The following PIEZO2 variants were observed in gnomAD, a reference collection of about 807,000 sequenced individuals.
PIEZO2 encodes the protein piezo type mechanosensitive ion channel component 2.
Under a neutral mutation model 337.3 loss-of-function variants are expected in PIEZO2, and 172 were observed. The observed-to-expected ratio is 0.51, with a 90% confidence interval of 0.45 to 0.58. The LOEUF (loss-of-function observed/expected upper bound fraction) is 0.58, where lower values mean the gene tolerates loss of function less well. Among genes scored for constraint, PIEZO2 ranks in the 20% least tolerant of loss-of-function variants. The probability of loss-of-function intolerance (pLI) is 0.00; values close to 1 mark genes in which losing one functional copy is unlikely to be tolerated. For synonymous variants in PIEZO2, 1,251 were observed against 1,228.5 expected (o/e 1.02, Z -0.38); for missense variants, 3,028 against 3,391.3 (o/e 0.89, Z 2.66).
chr18:10,736,591 T>G lies in PIEZO2; in HGVS notation c.4815+13A>C. 2.0e-6 allele frequency: 3 copies of G among 1,536,838 alleles called. No homozygotes were observed. The highest frequency in any genetic ancestry group is 2.6e-6 in the Non-Finnish European group (3 of 1,146,776). On this transcript the variant is annotated intron_variant, in intron 34 of 55. Coordinates refer to ENST00000674853, the MANE Select transcript of PIEZO2 (RefSeq NM_001378183.1). ...CTTCCAACTAGCAAAGAAATGATTT[T>G]CCCCATAATTACCTGGAATGCTGAC...
In PIEZO2 at chr18:11,018,752, C is replaced by A. The variant is rs2036211827; in HGVS notation, c.161-39092G>T. Among the ~76,000 whole-genome samples, 4 of 152,030 alleles carry A rather than the reference C, an allele frequency of 2.6e-5. No homozygotes were observed. In the South Asian group the frequency reaches 8.3e-4, roughly 32 times the overall value. On this transcript the variant is annotated intron_variant, in intron 2 of 55. Transcript: ENST00000674853. The stretch of plus-strand genomic sequence containing the variant: ...AATGATGTCTCCTTCCTTTTGGAAC[C>A]CCATGAAGAGATCTCATTTTATTTT...
chr18:10,948,880 T>C (rs264155), intron 3 of PIEZO2, among the ~76,000 whole-genome samples: 64,523 of 152,074 alleles, frequency 0.42, 14,540 homozygotes, highest in Non-Finnish European at 0.51. Flanking sequence ...TACATACAGA[T>C]GCATACCTTC....
chr18:10,701,845 TA>T (rs56768357), intron 43 of PIEZO2, 143 bp downstream of exon 43: 52 of 316,218 alleles, frequency 1.6e-4, no homozygotes, highest in East Asian at 1.0e-3. Flanking sequence ...TTTTTTTTTT[TA>T]AAAAAAACAT....
chr18:10,788,408 C>CAA (rs745769805), intron 15 of PIEZO2, among the ~76,000 whole-genome samples: 11 of 66,538 alleles, frequency 1.7e-4, no homozygotes, highest in African/African-American at 4.8e-4. Flanking sequence ...GACCCTGTCT[C>CAA]AAAAAAAAAA....
In PIEZO2 at chr18:10,846,235, C is replaced by T. The variant is rs927687853; in HGVS notation, c.917+9118G>A. Among the ~76,000 whole-genome samples, 11 of 152,316 alleles carry T rather than the reference C, an allele frequency of 7.2e-5. No homozygotes were observed. The highest frequency in any genetic ancestry group is 3.9e-4 in the East Asian group (2 of 5,190). ...GCAGAAGGCAAGGAGGAGCAAGTCA[C>T]ATCTTACACAGATGGCAGCAGGCAA... On this transcript the variant is annotated intron_variant, in intron 7 of 55. Coordinates refer to ENST00000674853, the MANE Select transcript of PIEZO2 (RefSeq NM_001378183.1). This position sits in a 1 kb window ranked among gnomAD's most constrained non-coding sequence, Gnocchi z 4.1.
chr18:11,089,851 C>A (rs542534974), intron 1 of PIEZO2, among the ~76,000 whole-genome samples: 1 of 152,348 alleles, frequency 6.6e-6, no homozygotes, highest in East Asian at 1.9e-4. Context: ...CCTGTCTTAG[C>A]CCCTTCCTGC....
rs1401927565 is a variant in PIEZO2, at chr18:11,083,325, C to G, written c.65-17103G>C. On this transcript the variant is annotated intron_variant, in intron 1 of 55. Coordinates refer to ENST00000674853, the MANE Select transcript of PIEZO2 (RefSeq NM_001378183.1). The surrounding 1 kb of genome is among the most constrained non-coding windows in gnomAD (Gnocchi z 4.4). ...GAAAAGAGGGAAATATTTGTATTCACTTAGAGGCCAGGATCAGAATTTCTC... is the reference window on the plus strand; with the variant it reads ...GAAAAGAGGGAAATATTTGTATTCAGTTAGAGGCCAGGATCAGAATTTCTC... 6.6e-6 allele frequency among the ~76,000 whole-genome samples: 1 copy of G among 152,214 alleles called. No individual in the cohort carries two copies. The highest frequency in any genetic ancestry group is 1.9e-4 in the East Asian group (1 of 5,200).
At chr18:10,701,860 A>C in intron 43 of PIEZO2, 129 bp downstream of exon 43, 1 of 618,084 alleles carries the variant, frequency 1.6e-6, no homozygotes, top group Non-Finnish European at 2.5e-6. Flanking sequence ...AAAACATATG[A>C]GTAGATACCA....
chr18:10,810,203 A>G (rs1312246851), intron 7 of PIEZO2, among the ~76,000 whole-genome samples: 2 of 152,144 alleles, frequency 1.3e-5, no homozygotes, highest in East Asian at 3.9e-4. Context: ...AGTTTTTAGA[A>G]GATTTTATGT....
Position 11,055,307 on chromosome 18 carries a change from A to G in PIEZO2, c.160+10820T>C, listed in dbSNP as rs2625374. On this transcript the variant is annotated intron_variant, in intron 2 of 55. Coordinates refer to ENST00000674853, the MANE Select transcript of PIEZO2 (RefSeq NM_001378183.1). ...AGGGAGAATCAAGGGGGAAAATAAA[A>G]GAGCTGAGTGGCAGGGTGTGCAACT... is the stretch of plus-strand genomic sequence containing the variant. Among the ~76,000 whole-genome samples, 1,012 of 152,242 alleles carry G rather than the reference A, an allele frequency of 6.6e-3. 12 individuals are homozygous for G. Among genetic ancestry groups the G allele is most frequent in the African/African-American group, 0.024 (977 of 41,526 alleles).
At chr18:10,965,890 G>T (rs1483627422) in intron 3 of PIEZO2, among the ~76,000 whole-genome samples, 1 of 152,142 alleles carries the variant, frequency 6.6e-6, no homozygotes, top group Non-Finnish European at 1.5e-5. Flanking sequence ...GAACACAGAT[G>T]TAGGGAAATA....
intron 1 of PIEZO2, among the ~76,000 whole-genome samples, chr18:11,115,818 T>C (rs116945155): frequency 0.02 from 2,988 of 152,284 alleles, 50 homozygotes; most frequent in Middle Eastern, 0.11. Flanking sequence ...ATGCCGTAAG[T>C]GCTATATTTA....
rs758022661 is a variant in PIEZO2, at chr18:10,748,352, G to T, written c.4424+119C>A. 7.0e-6 allele frequency: 7 copies of T among 996,204 alleles called. No individual in the cohort carries two copies. Among genetic ancestry groups the T allele is most frequent in the Non-Finnish European group, 1.0e-5 (7 of 690,332 alleles). The allele number at this position is 996,204 out of a possible 1,614,324, so 61.7% of individuals were successfully genotyped here. On this transcript the variant is annotated intron_variant, in intron 30 of 55. Transcript: ENST00000674853. This position sits in a 1 kb window ranked among gnomAD's most constrained non-coding sequence, Gnocchi z 5.1. ...AAATTCTTCTTGGATTGGTTTTGCT[G>T]GAAGGGATTTCTTAACTTCTTGTGG...
chr18:10,806,817 A>T (rs2040015954), intron 8 of PIEZO2, among the ~76,000 whole-genome samples: 1 of 152,218 alleles, frequency 6.6e-6, no homozygotes, highest in Non-Finnish European at 1.5e-5. Flanking sequence ...ATTAAATGAG[A>T]TAATGTATGA....
intron 39 of PIEZO2, 52 bp downstream of exon 39, chr18:10,714,712 C>T (rs1216167939): frequency 2.6e-6 from 4 of 1,514,380 alleles, no homozygotes; most frequent in Non-Finnish European, 3.5e-6. Flanking sequence ...TTGATGACAT[C>T]CACCTCATTT....
At chr18:10,965,773 G>C (rs905221973) in intron 3 of PIEZO2, among the ~76,000 whole-genome samples, 2 of 152,184 alleles carry the variant, frequency 1.3e-5, no homozygotes, top group African/African-American at 4.8e-5. Context: ...CATGAGGAAA[G>C]ACTATGGCAG....
intron 44 of PIEZO2, among the ~76,000 whole-genome samples, chr18:10,698,298 T>C (rs998223709): frequency 6.6e-6 from 1 of 152,056 alleles, no homozygotes; most frequent in African/African-American, 2.4e-5. Flanking sequence ...CACCACTGCA[T>C]GGAAAGCTTC....
rs1375603953 is a variant in PIEZO2, at chr18:10,834,680, T to A, written c.917+20673A>T. 6.6e-6 allele frequency among the ~76,000 whole-genome samples: 1 copy of A among 152,110 alleles called. No homozygotes were observed. The highest frequency in any genetic ancestry group is 2.4e-5 in the African/African-American group (1 of 41,418). On this transcript the variant is annotated intron_variant, in intron 7 of 55. Transcript: ENST00000674853. The surrounding 1 kb of genome is among the most constrained non-coding windows in gnomAD (Gnocchi z 4.5). ...GAAGCCAAAGCCGCAGGAGGCTAGA[T>A]CAGAGAGGAAGCCTGGCCTGTCTGA...
intron 2 of PIEZO2, among the ~76,000 whole-genome samples, chr18:10,991,741 A>G (rs1289991627): frequency 6.6e-6 from 1 of 152,156 alleles, no homozygotes; most frequent in Admixed American, 6.5e-5. Flanking sequence ...TGGGGTATAT[A>G]CCTAGTAATG....
Sources: gnomAD v4.1 joint callset for allele counts (sites outside exome capture counted in the v4.1 genomes callset) on GRCh38, gnomAD v4.1.1 for gene constraint, Gnocchi (gnomAD v3.1) non-coding constraint, MANE v1.5 for transcripts, NCBI Gene and HGNC (gene_info 2026-07-23, HGNC 2026-07-21) for gene names.